BEND7: variants seen among roughly 807,000 people sequenced by gnomAD.
BEND7 encodes BEN domain containing 7, also known as BEN domain-containing protein 7.
BEND7 carries 28 observed loss-of-function variants against 50.9 expected under a neutral mutation model. The observed-to-expected ratio is 0.55, with a 90% confidence interval of 0.41 to 0.75. The LOEUF is 0.75. Among genes scored for constraint, BEND7 ranks in the 30% least tolerant of loss-of-function variants. The pLI, the probability that BEND7 is intolerant of heterozygous loss-of-function variation, is 0.00. For missense variants in BEND7, 477 were observed against 491.3 expected, an observed-to-expected ratio of 0.97 and a Z score of 0.28; for synonymous variants, 170 against 183.9, an observed-to-expected ratio of 0.92 and a Z score of 0.61.
intron 6 of BEND7, among the ~76,000 whole-genome samples, chr10:13,471,046 C>T (rs1227271397): frequency 1.3e-5 from 2 of 152,230 alleles, no homozygotes; most frequent in African/African-American, 4.8e-5. Context: ...AGGCCTAGTT[C>T]AGATGTCATC....
At chr10:13,501,775 G>A (rs148768281) in intron 2 of BEND7, among the ~76,000 whole-genome samples, 11 of 152,092 alleles carry the variant, frequency 7.2e-5, no homozygotes, top group Non-Finnish European at 1.5e-4. Flanking sequence ...GAGCCCCGGA[G>A]GCAGAGGTTG....
chr10:13,438,932 C>T (rs899221938), downstream of BEND7: 1 of 485,406 alleles, frequency 2.1e-6, no homozygotes, highest in African/African-American at 1.9e-5. Context: ...AGGGGAGTCA[C>T]TTCTGGTAAC....
intron 2 of BEND7, among the ~76,000 whole-genome samples, chr10:13,517,424 G>C (rs1338873872): frequency 6.6e-6 from 1 of 152,040 alleles, no homozygotes; most frequent in Admixed American, 6.6e-5. Context: ...GGCAGTTCAT[G>C]CAGGGTCTCA....
Position 13,441,347 on chromosome 10 carries a change from AACAGTAGTC to A in BEND7, c.*387_*395del, listed in dbSNP as rs1270773737. ...TAAAAAGGTTTCTGAATAAAGACTG[AACAGTAGTC>A]ACAGTAAGTAAACACAATTTTAATT... On this transcript the variant is annotated 3_prime_UTR_variant, in exon 9 of 9. Coordinates refer to ENST00000466271, the MANE Select transcript of BEND7 (RefSeq NM_001369863.1). The A allele has an allele frequency of 1.6e-5, 16 of 1,024,732 alleles. No homozygotes were observed. Among genetic ancestry groups the A allele is most frequent in the Non-Finnish European group, 1.9e-5 (16 of 856,532 alleles). 63.5% of individuals were successfully genotyped at this position (1,024,732 alleles called of 1,614,324 possible). A position where few individuals can be genotyped will look rare whatever the true frequency, so the allele number is the denominator to read the frequency against.
chr10:13,472,637 T>G (rs1588792814), intron 6 of BEND7, among the ~76,000 whole-genome samples: 1 of 152,078 alleles, frequency 6.6e-6, no homozygotes, highest in African/African-American at 2.4e-5. Context: ...GTCATCGCTC[T>G]TAGACTCGGG....
At chr10:13,454,531 G>A (rs1838503954) in intron 6 of BEND7, among the ~76,000 whole-genome samples, 1 of 151,974 alleles carries the variant, frequency 6.6e-6, no homozygotes, top group African/African-American at 2.4e-5. Context: ...GAGGCAGGAG[G>A]ATCTCTTGAG....
At chr10:13,449,687 A>C (rs1164342842) in intron 7 of BEND7, among the ~76,000 whole-genome samples, 2 of 152,222 alleles carry the variant, frequency 1.3e-5, no homozygotes, top group Admixed American at 1.3e-4. Flanking sequence ...TTTTGGGTAT[A>C]AACTGACCTT....
intron 4 of BEND7, 26 bp from the exon 5 acceptor site, chr10:13,492,902 T>C (rs1343977728): frequency 3.1e-6 from 5 of 1,587,686 alleles, no homozygotes; most frequent in Admixed American, 4.0e-5. Context: ...AAAAATATGG[T>C]ACAGGCACGT....
chr10:13,440,625 G>A (rs1193533533), downstream of BEND7, among the ~76,000 whole-genome samples: 2 of 152,226 alleles, frequency 1.3e-5, no homozygotes, highest in African/African-American at 2.4e-5. Context: ...GGGAGGCGGC[G>A]GGGGGCAGGT....
Position 13,503,735 on chromosome 10 carries a change from A to ACAAG in BEND7, c.146-3656_146-3655insCTTG, listed in dbSNP as rs569272983. ...TCAAAACAAACAAACAAACAAACAA[A>ACAAG]CAACAACTAAAAGGATGGAACACAG... On this transcript the variant is annotated intron_variant, in intron 2 of 8. Coordinates refer to ENST00000466271, the MANE Select transcript of BEND7 (RefSeq NM_001369863.1). 4.1e-4 allele frequency among the ~76,000 whole-genome samples: 63 copies of ACAAG among 152,086 alleles called. 1 individual carries two copies. Among genetic ancestry groups the ACAAG allele is most frequent in the African/African-American group, 1.5e-3 (61 of 41,514 alleles).
At chr10:13,452,009 G>A (rs1243393667) in intron 7 of BEND7, among the ~76,000 whole-genome samples, 2 of 152,046 alleles carry the variant, frequency 1.3e-5, no homozygotes, top group Non-Finnish European at 2.9e-5. Context: ...CACTTTTCCT[G>A]GAAGAATAAT....
intron 6 of BEND7, chr10:13,460,009 C>G (rs1284148395): frequency 6.6e-6 from 1 of 152,204 alleles, no homozygotes; most frequent in Non-Finnish European, 1.5e-5. Context: ...TAAGGGGAGC[C>G]AAGCCGCAGA....
intron 6 of BEND7, among the ~76,000 whole-genome samples, chr10:13,477,627 TAA>T (rs1471559610): frequency 2.0e-5 from 3 of 152,242 alleles, no homozygotes; most frequent in African/African-American, 4.8e-5. Flanking sequence ...ATTAGGAAGT[TAA>T]GAGAGCTATA....
chr10:13,441,078 C>T (rs1171587240), downstream of BEND7: 17 of 984,526 alleles, frequency 1.7e-5, no homozygotes, highest in South Asian at 9.4e-5. Flanking sequence ...AGGCAAGATC[C>T]GCACGCACGT....
intron 2 of BEND7, among the ~76,000 whole-genome samples, chr10:13,504,679 T>C (rs538895336): frequency 6.6e-6 from 1 of 152,330 alleles, no homozygotes; most frequent in Non-Finnish European, 1.5e-5. Context: ...AGGAAACCTG[T>C]GCATTTTTCC....
intron 6 of BEND7, among the ~76,000 whole-genome samples, chr10:13,463,653 G>T (rs1298664151): frequency 6.6e-6 from 1 of 152,072 alleles, no homozygotes; most frequent in African/African-American, 2.4e-5. Context: ...AAAATAAAAG[G>T]ATATAATTAT....
At chr10:13,516,333 C>A (rs961188463) in intron 2 of BEND7, among the ~76,000 whole-genome samples, 1 of 152,166 alleles carries the variant, frequency 6.6e-6, no homozygotes, top group Non-Finnish European at 1.5e-5. Flanking sequence ...TGTGAGTCTG[C>A]GAGGCCCGGG....
Position 13,441,564 on chromosome 10 carries a change from C to T in BEND7, c.*179G>A, listed in dbSNP as rs978564955. ...TCCCAGCAGATCTCTTAACAGACCA[C>T]AGTTGGAAGTTAGCGTTTCTGCCTT... On this transcript the variant is annotated 3_prime_UTR_variant, in exon 9 of 9. Transcript: ENST00000466271. 2 of 1,449,514 alleles carry T rather than the reference C, an allele frequency of 1.4e-6. No homozygotes were observed. The highest frequency in any genetic ancestry group is 2.9e-5 in the African/African-American group (2 of 69,832). The allele number at this position is 1,449,514 out of a possible 1,614,324, so 89.8% of individuals were successfully genotyped here. A position where few individuals can be genotyped will look rare whatever the true frequency, so the allele number is the denominator to read the frequency against.
intron 5 of BEND7, among the ~76,000 whole-genome samples, chr10:13,488,257 T>C (rs1448075799): frequency 1.3e-5 from 2 of 152,056 alleles, no homozygotes; most frequent in East Asian, 1.9e-4. Flanking sequence ...TAAAAATTAT[T>C]TTAAAATATT....
Sources: allele counts gnomAD v4.1 joint callset (sites outside exome capture counted in the v4.1 genomes callset), GRCh38; gene constraint gnomAD v4.1.1; transcripts MANE v1.5; gene names NCBI Gene and HGNC (gene_info 2026-07-23, HGNC 2026-07-21).